PGAP1: variants seen among roughly 807,000 people sequenced by gnomAD.
PGAP1 encodes the protein post-GPI attachment to proteins inositol deacylase 1, also known as GPI inositol-deacylase.
A neutral mutation model predicts 127.0 loss-of-function variants in PGAP1; 76 were observed. The ratio of observed to expected loss-of-function variants is 0.60; its 90% CI spans 0.50 to 0.72. The LOEUF is 0.72. PGAP1 is among the 30% of genes least tolerant of loss of function. The pLI, the probability that PGAP1 is intolerant of heterozygous loss-of-function variation, is 0.00. For synonymous variants in PGAP1, 362 were observed against 366.5 expected (o/e 0.99, Z 0.14); for missense variants, 982 against 1,071.3 (o/e 0.92, Z 1.16).
At position 196,839,718 on chromosome 2, in the gene PGAP1, TACAGGCAGTAAGCAGAAGTAACTGTCC is replaced by T. The variant is rs1181257017; in HGVS notation, c.*1489_*1515del. 1.3e-5 allele frequency: 2 copies of T among 152,178 alleles called. No individual in the cohort carries two copies. Among genetic ancestry groups the T allele is most frequent in the Non-Finnish European group, 2.9e-5 (2 of 68,046 alleles). The allele number at this position is 152,178 out of a possible 1,614,324, so 9.4% of individuals were successfully genotyped here. ...TGAGAAGAGAAGTTAGGTAACTCTCTACAGGCAGTAAGCAGAAGTAACTGTCCACAGGCAGTAACAGCTGAGAGGCTG... is the reference window on the plus strand; with the variant it reads ...TGAGAAGAGAAGTTAGGTAACTCTCTACAGGCAGTAACAGCTGAGAGGCTG... On this transcript the variant is annotated 3_prime_UTR_variant, in exon 27 of 27. Coordinates refer to ENST00000354764, the MANE Select transcript of PGAP1 (RefSeq NM_024989.4).
chr2:196,898,570 A>G (rs1337315691), intron 5 of PGAP1, among the ~76,000 whole-genome samples: 1 of 152,176 alleles, frequency 6.6e-6, no homozygotes, highest in Non-Finnish European at 1.5e-5. Flanking sequence ...TGTATAAAAC[A>G]TAACTCTTTC....
intron 20 of PGAP1, among the ~76,000 whole-genome samples, chr2:196,861,440 C>T (rs935473052): frequency 2.0e-5 from 3 of 152,120 alleles, no homozygotes; most frequent in African/African-American, 7.2e-5. Context: ...GATTAATAAC[C>T]AGAATATATA....
In PGAP1 at chr2:196,845,890, CAT is replaced by C. The variant is rs1457138036; in HGVS notation, c.2276_2277del (p.Tyr759CysfsTer3). The C allele has an allele frequency of 5.0e-6, 8 of 1,605,714 alleles. No individual in the cohort carries two copies. Among genetic ancestry groups the C allele is most frequent in the Non-Finnish European group, 6.8e-6 (8 of 1,175,302 alleles). On this transcript the variant is annotated frameshift_variant, in exon 23 of 27. Transcript: ENST00000354764. LOFTEE classifies it high-confidence loss of function. ...ALAILLSYLY[Y>X]VFKVVHLQAS... The stretch of plus-strand genomic sequence containing the variant: ...TTACTGATTTGACATACCTTAAACA[CAT>C]AGTAAAGATAAGAAAGAAGTATGGC...
chr2:196,873,907 A>G, intron 14 of PGAP1, 149 bp from the exon 15 acceptor site: 1 of 538,216 alleles, frequency 1.9e-6, no homozygotes, highest in Non-Finnish European at 3.3e-6. Flanking sequence ...CTAAAAATCT[A>G]ATCTCCCAGC....
intron 6 of PGAP1, 112 bp downstream of exon 6, chr2:196,898,205 G>C: frequency 1.4e-6 from 1 of 696,592 alleles, no homozygotes; most frequent in South Asian, 1.9e-5. Flanking sequence ...GCAACAGAGC[G>C]AGACTCTGTC....
chr2:196,867,590 G>A (rs888528330), intron 19 of PGAP1, among the ~76,000 whole-genome samples: 6 of 152,128 alleles, frequency 3.9e-5, no homozygotes, highest in Non-Finnish European at 8.8e-5. Flanking sequence ...AAACCTGCAC[G>A]TTCTGCACAT....
At chr2:196,844,627 A>G in intron 23 of PGAP1, 53 bp from the exon 24 acceptor site, 1 of 1,276,778 alleles carries the variant, frequency 7.8e-7, no homozygotes, top group Non-Finnish European at 1.1e-6. Flanking sequence ...AACAAAACAT[A>G]TAAGCCTTTT....
chr2:196,890,040 C>T (rs1015488626), intron 10 of PGAP1, among the ~76,000 whole-genome samples: 2 of 151,854 alleles, frequency 1.3e-5, no homozygotes, highest in Admixed American at 1.3e-4. Flanking sequence ...TTCAAGTGAT[C>T]TTCCTTCCCC....
At chr2:196,866,822 C>T (rs888940243) in intron 19 of PGAP1, among the ~76,000 whole-genome samples, 11 of 152,008 alleles carry the variant, frequency 7.2e-5, no homozygotes, top group Non-Finnish European at 1.5e-5. Context: ...TATGAACAGA[C>T]ACTTCTCAAA....
chr2:196,905,743 C>T lies in PGAP1; in HGVS notation c.650-3001G>A, dbSNP rs9967774. On this transcript the variant is annotated intron_variant, in intron 4 of 26. Transcript: ENST00000354764. ...CAGTGGGCGCAGGCCAGTGTGTGCGCGCACCGTGCGCGAGCCGAAGCAGGG... is the reference window on the plus strand; with the variant it reads ...CAGTGGGCGCAGGCCAGTGTGTGCGTGCACCGTGCGCGAGCCGAAGCAGGG... Among the ~76,000 whole-genome samples the T allele has an allele frequency of 4.1e-5, 6 of 147,104 alleles. No homozygotes were observed. The East Asian group carries it at 6.1e-4, about 15-fold the overall frequency.
At chr2:196,899,062 T>G (rs1702385675) in intron 5 of PGAP1, among the ~76,000 whole-genome samples, 1 of 152,180 alleles carries the variant, frequency 6.6e-6, no homozygotes. Context: ...AACTAGAGAC[T>G]CCTTTTCACA....
At chr2:196,892,087 G>A (rs1251212167) in intron 9 of PGAP1, among the ~76,000 whole-genome samples, 1 of 151,902 alleles carries the variant, frequency 6.6e-6, no homozygotes, top group East Asian at 1.9e-4. Flanking sequence ...GATTAAAAAG[G>A]AATAAGACAT....
chr2:196,853,686 T>C (rs995497559), intron 20 of PGAP1, among the ~76,000 whole-genome samples: 16 of 152,234 alleles, frequency 1.1e-4, no homozygotes, highest in South Asian at 4.1e-4. Flanking sequence ...ACAGTACTGA[T>C]GTTTTATAGG....
At chr2:196,855,516 C>T (rs778828545) in intron 20 of PGAP1, among the ~76,000 whole-genome samples, 17 of 151,930 alleles carry the variant, frequency 1.1e-4, no homozygotes, top group Non-Finnish European at 2.2e-4. Flanking sequence ...AACTGCTAAT[C>T]GAAATCAAGC....
In PGAP1 at chr2:196,836,835, G is replaced by A. The variant is rs1700249574; in HGVS notation, c.*4399C>T. 6.6e-6 allele frequency: 1 copy of A among 152,066 alleles called. No homozygotes were observed. The highest frequency in any genetic ancestry group is 2.1e-4 in the South Asian group (1 of 4,824). The allele number at this position is 152,066 out of a possible 1,614,324, so 9.4% of individuals were successfully genotyped here. Reference sequence around the variant, plus strand: ...AAACATATTACTGCTTTCTTATCCTGGCAAATGTCATGCACTCCAAATGGA... The same window carrying A: ...AAACATATTACTGCTTTCTTATCCTAGCAAATGTCATGCACTCCAAATGGA... On this transcript the variant is annotated 3_prime_UTR_variant, in exon 27 of 27. Coordinates refer to ENST00000354764, the MANE Select transcript of PGAP1 (RefSeq NM_024989.4).
Position 196,847,148 on chromosome 2 carries a change from C to A in PGAP1, c.2005G>T (p.Ala669Ser). ...WDVLLLPELD[A>S]VILTCQSMCF... ...ATACTCTGACAAGTTAAAATGACGG[C>A]ATCTAATTCTGGTAACAATAATACA... is the stretch of plus-strand genomic sequence containing the variant. Residue 669 changes from alanine (A) to serine (S), a missense_variant, in exon 22 of 27, where the codon GCC (alanine) becomes TCC (serine). Transcript: ENST00000354764. 1 of 1,613,002 alleles carries A rather than the reference C, an allele frequency of 6.2e-7. No individual in the cohort carries two copies.
intron 26 of PGAP1, among the ~76,000 whole-genome samples, 177 bp from the exon 27 acceptor site, chr2:196,841,549 ACT>A (rs1700413149): frequency 6.6e-6 from 1 of 152,088 alleles, no homozygotes; most frequent in South Asian, 2.1e-4. Context: ...ATGGAGTCTC[ACT>A]CTGTTGCCCA....
At chr2:196,879,979 TTAGA>T (rs1701681378) in intron 13 of PGAP1, 93 bp downstream of exon 13, 1 of 844,514 alleles carries the variant, frequency 1.2e-6, no homozygotes, top group South Asian at 1.5e-5. Flanking sequence ...GGCTACTGTT[TTAGA>T]TAAACTGTGC....
At chr2:196,900,468 T>C (rs1702449004) in intron 5 of PGAP1, among the ~76,000 whole-genome samples, 1 of 152,248 alleles carries the variant, frequency 6.6e-6, no homozygotes, top group Non-Finnish European at 1.5e-5. Context: ...TTACTGTTAA[T>C]AACTTTTTAA....
Sources: allele counts gnomAD v4.1 joint callset (sites outside exome capture counted in the v4.1 genomes callset), GRCh38; gene constraint gnomAD v4.1.1; transcripts MANE v1.5; gene names NCBI Gene and HGNC (gene_info 2026-07-23, HGNC 2026-07-21).